Variants in TMEM131 observed in about 807,000 individuals in gnomAD.
The protein encoded by TMEM131 is 2610524E03Rik.
A neutral mutation model predicts 211.6 loss-of-function variants in TMEM131; 66 were observed. That is an observed-to-expected ratio of 0.31 (90% CI 0.26 to 0.38). The LOEUF is 0.38. TMEM131 is among the 10% of genes least tolerant of loss of function. TMEM131 has a pLI of 1.00. For missense variants in TMEM131, 2,036 were observed against 2,299.3 expected (o/e 0.89, Z 2.34); for synonymous variants, 844 against 841.3 (o/e 1.00, Z -0.06).
rs777694053 is a variant in TMEM131 at position 97,758,957 on chromosome 2, G to A, written c.5303C>T (p.Ser1768Leu). 3.1e-6 allele frequency: 5 copies of A among 1,613,916 alleles called. No individual in the cohort carries two copies. The highest frequency in any genetic ancestry group is 1.3e-5 in the African/African-American group (1 of 74,932). Residue 1768 changes from serine to leucine, a missense_variant, in exon 40 of 41, where the codon TCG (serine) becomes TTG (leucine). Coordinates refer to ENST00000186436, the MANE Select transcript of TMEM131 (RefSeq NM_015348.2). ...GGAAGGACTGGGATCTGTCGCTGGC[G>A]ACTCCCAAAGGTATGAAGGGCCACT... ...FNSGPSYLWE[S>L]PATDPSPSWP... is the part of the protein sequence containing the mutation.
At chr2:97,783,808 G>C (rs1680124782) in intron 31 of TMEM131, among the ~76,000 whole-genome samples, 1 of 151,978 alleles carries the variant, frequency 6.6e-6, no homozygotes, top group Non-Finnish European at 1.5e-5. Flanking sequence ...AAAAGACAGA[G>C]ATTGGCAGAC....
chr2:97,911,313 A>AG (rs1419235608), intron 2 of TMEM131, among the ~76,000 whole-genome samples: 1 of 152,214 alleles, frequency 6.6e-6, no homozygotes, highest in Non-Finnish European at 1.5e-5. Context: ...GGGATTACCA[A>AG]GGGGCACAAG....
chr2:97,860,997 T>C (rs1394965210), intron 4 of TMEM131, among the ~76,000 whole-genome samples: 1 of 152,120 alleles, frequency 6.6e-6, no homozygotes, highest in Non-Finnish European at 1.5e-5. Flanking sequence ...AGAGGGACAG[T>C]GCAGCGACTG....
chr2:97,802,313 G>T, intron 24 of TMEM131, 115 bp downstream of exon 24: 1 of 829,052 alleles, frequency 1.2e-6, no homozygotes, highest in Non-Finnish European at 1.8e-6. Flanking sequence ...TATAGATCCA[G>T]AACTTCTCGT....
At chr2:97,944,387 T>C (rs1440236625) in intron 1 of TMEM131, among the ~76,000 whole-genome samples, 3 of 152,174 alleles carry the variant, frequency 2.0e-5, no homozygotes, top group South Asian at 2.1e-4. Context: ...GAAGATAACA[T>C]AGATGTAAAT....
chr2:97,966,552 A>G (rs1465290677), intron 1 of TMEM131, among the ~76,000 whole-genome samples: 1 of 152,160 alleles, frequency 6.6e-6, no homozygotes, highest in Non-Finnish European at 1.5e-5. Flanking sequence ...GGCCCTCAAT[A>G]AATGTTTGTT....
At chr2:97,982,227 G>A (rs1181020086) in intron 1 of TMEM131, among the ~76,000 whole-genome samples, 6 of 152,188 alleles carry the variant, frequency 3.9e-5, no homozygotes, top group Admixed American at 3.9e-4. Context: ...ATTGGTGGGT[G>A]TGAAATGGAA....
intron 36 of TMEM131, chr2:97,761,743 A>G (rs1678863840): frequency 3.3e-6 from 1 of 300,170 alleles, no homozygotes; most frequent in African/African-American, 2.2e-5. Flanking sequence ...GGCTTAGTAA[A>G]TGTTCATTGG....
intron 3 of TMEM131, among the ~76,000 whole-genome samples, chr2:97,892,072 TCTC>T (rs1352726348): frequency 1.3e-5 from 2 of 152,172 alleles, no homozygotes; most frequent in Admixed American, 6.5e-5. Context: ...GAATAAGACT[TCTC>T]CTATATGATA....
intron 2 of TMEM131, among the ~76,000 whole-genome samples, chr2:97,908,949 T>C (rs913756936): frequency 2.0e-5 from 3 of 152,154 alleles, no homozygotes; most frequent in Admixed American, 2.0e-4. Flanking sequence ...AACAGCCCCT[T>C]TGACAATCAC....
intron 3 of TMEM131, among the ~76,000 whole-genome samples, chr2:97,893,961 G>A (rs1675494555): frequency 6.6e-6 from 1 of 152,168 alleles, no homozygotes; most frequent in African/African-American, 2.4e-5. Flanking sequence ...CCATGCCTAC[G>A]TCCTGAATGG....
chr2:97,946,063 T>C (rs1007161900), intron 1 of TMEM131, among the ~76,000 whole-genome samples: 1 of 152,108 alleles, frequency 6.6e-6, no homozygotes, highest in African/African-American at 2.4e-5. Context: ...TCAGTTAAAA[T>C]GATGCTTATG....
intron 3 of TMEM131, among the ~76,000 whole-genome samples, chr2:97,890,143 T>C (rs1386004534): frequency 1.3e-5 from 2 of 152,190 alleles, no homozygotes; most frequent in African/African-American, 4.8e-5. Flanking sequence ...GGTCTCCTTG[T>C]AGGAGTATAG....
At chr2:97,869,738 T>G (rs368326259) in intron 4 of TMEM131, among the ~76,000 whole-genome samples, 15 of 152,280 alleles carry the variant, frequency 9.9e-5, no homozygotes, top group East Asian at 5.8e-4. Context: ...TTTGGTGACA[T>G]GAGCAGAATC....
At chr2:97,760,080 A>G (rs1035142458) in intron 38 of TMEM131, 6 of 301,928 alleles carry the variant, frequency 2.0e-5, no homozygotes, top group Non-Finnish European at 3.2e-5. Context: ...CTCATTTCCT[A>G]TTAGTGCAAA....
chr2:97,904,658 G>A (rs933122043), intron 3 of TMEM131, among the ~76,000 whole-genome samples: 3 of 152,116 alleles, frequency 2.0e-5, no homozygotes, highest in Non-Finnish European at 4.4e-5. Context: ...TTGGGTTTAA[G>A]TCTGCCATAT....
At chr2:97,808,137 T>C (rs1681396939) in intron 19 of TMEM131, among the ~76,000 whole-genome samples, 1 of 152,178 alleles carries the variant, frequency 6.6e-6, no homozygotes, top group South Asian at 2.1e-4. Context: ...AGCCTGAAGG[T>C]AATTTTATAC....
At chr2:97,887,463 G>C (rs1474631978) in intron 4 of TMEM131, among the ~76,000 whole-genome samples, 1 of 152,154 alleles carries the variant, frequency 6.6e-6, no homozygotes, top group Admixed American at 6.5e-5. Context: ...CTCTTTCTTA[G>C]GTGCTGAGTG....
In TMEM131 at chr2:97,995,743, C is replaced by A; in HGVS notation, c.-81G>T. On this transcript the variant is annotated 5_prime_UTR_variant, in exon 1 of 41. Coordinates refer to ENST00000186436, the MANE Select transcript of TMEM131 (RefSeq NM_015348.2). ...GCGGCGGCGGCGCGGAAGCCGTGGT[C>A]CGGGCTCTGGCCGCGGCGCCGGGAG... is the stretch of plus-strand genomic sequence containing the variant. 9.3e-7 allele frequency: 1 copy of A among 1,070,180 alleles called. No homozygotes were observed. Among genetic ancestry groups the A allele is most frequent in the Non-Finnish European group, 1.2e-6 (1 of 865,928 alleles). 66.3% of individuals were successfully genotyped at this position (1,070,180 alleles called of 1,614,324 possible).
Sources: allele counts gnomAD v4.1 joint callset (sites outside exome capture counted in the v4.1 genomes callset), GRCh38; gene constraint gnomAD v4.1.1; transcripts MANE v1.5; gene names NCBI Gene and HGNC (gene_info 2026-07-23, HGNC 2026-07-21).